The following APEX1 variants were observed in gnomAD, a reference collection of about 807,000 sequenced individuals.
The protein encoded by APEX1 is DNA repair nuclease/redox regulator APEX1.
Under a neutral mutation model 33.2 loss-of-function variants are expected in APEX1, and 32 were observed. The ratio of observed to expected loss-of-function variants is 0.96; its 90% confidence interval spans 0.73 to 1.29. The LOEUF is 1.29. APEX1 is among the 50% of genes most tolerant of loss of function. The pLI is 0.00. For missense variants in APEX1, 442 were observed against 395.6 expected (o/e 1.12, Z -0.99); for synonymous variants, 175 against 156.6 (o/e 1.12, Z -0.88).
Position 20,457,577 on chromosome 14 carries a change from C to G in APEX1, c.*69C>G. 1 of 1,558,942 alleles carries G rather than the reference C, an allele frequency of 6.4e-7. No homozygotes were observed. The highest frequency in any genetic ancestry group is 1.7e-5 in the Admixed American group (1 of 59,958). On this transcript the variant is annotated 3_prime_UTR_variant, in exon 5 of 5. Transcript: ENST00000216714. ...AACTACCATTCCTTCTTTAAACACT[C>G]TTCAGAGAAATCTGCATTCTATTTC...
At chr14:20,456,190 T>TAAACG in intron 3 of APEX1, 89 bp downstream of exon 3, 1 of 1,470,190 alleles carries the variant, frequency 6.8e-7, no homozygotes, top group Non-Finnish European at 9.4e-7. Context: ...GCCTTCAGGC[T>TAAACG]GTTTTATTTT....
In APEX1 at chr14:20,457,050, C is replaced by A; in HGVS notation, c.499C>A (p.Leu167Met). Residue 167 changes from leucine to methionine, a missense_variant, in exon 5 of 5, where the codon CTG (leucine) becomes ATG (methionine). Physicochemically the swap from Leu to Met is conservative, Grantham distance 15. Transcript: ENST00000216714. Reference sequence around the variant, plus strand: ...TGTGGCTGAATTTGACTCGTTTGTGCTGGTAACAGCATATGTACCTAATGC... The same window carrying A: ...TGTGGCTGAATTTGACTCGTTTGTGATGGTAACAGCATATGTACCTAATGC... ...VIVAEFDSFV[L>M]VTAYVPNAGR... The A allele has an allele frequency of 6.2e-7, 1 of 1,614,038 alleles. No individual in the cohort carries two copies. Among genetic ancestry groups the A allele is most frequent in the East Asian group, 2.2e-5 (1 of 44,898 alleles).
At chr14:20,456,538 C>A in intron 3 of APEX1, 130 bp from the exon 4 acceptor site, 2 of 848,326 alleles carry the variant, frequency 2.4e-6, no homozygotes, top group East Asian at 2.5e-5. Flanking sequence ...GAATATTGTG[C>A]TGCTTGACTC....
In APEX1 at chr14:20,457,147, T is replaced by C. The variant is rs1057297039; in HGVS notation, c.596T>C (p.Leu199Pro). The change falls in exon 5 of 5, where the codon CTG becomes CCG. Residue 199 changes from leucine (L) to proline (P), a missense_variant. Coordinates refer to ENST00000216714, the MANE Select transcript of APEX1 (RefSeq NM_001641.4). ...DEAFRKFLKG[L>P]ASRKPLVLCG... ...GCCTTTCGCAAGTTCCTGAAGGGCC[T>C]GGCTTCCCGAAAGCCCCTTGTGCTG... 1 of 1,614,078 alleles carries C rather than the reference T, an allele frequency of 6.2e-7. No homozygotes were observed. The highest frequency in any genetic ancestry group is 1.3e-5 in the African/African-American group (1 of 74,914).
chr14:20,455,650 C>G lies in APEX1; in HGVS notation c.5C>G (p.Pro2Arg), dbSNP rs752031447. Residue 2 changes from proline (P) to arginine (R), a missense_variant, in exon 2 of 5, where the codon CCG becomes CGG. By Grantham distance (103) the Pro-to-Arg change is moderately radical. Coordinates refer to ENST00000216714, the MANE Select transcript of APEX1 (RefSeq NM_001641.4). Reference protein sequence around the residue: MPKRGKKGAVAE... With the variant: MRKRGKKGAVAE... ...CCAAGGGCGTTCGTAACGGGAATGCCGAAGCGTGGGAAAAAGGGAGCGGTG... is the reference window on the plus strand; with the variant it reads ...CCAAGGGCGTTCGTAACGGGAATGCGGAAGCGTGGGAAAAAGGGAGCGGTG... 13 of 1,613,528 alleles carry G rather than the reference C, an allele frequency of 8.1e-6. No homozygotes were observed. Among genetic ancestry groups the G allele is most frequent in the Admixed American group, 1.7e-5 (1 of 59,996 alleles).
At chr14:20,455,505 T>C (rs559015533) in intron 1 of APEX1, 73 bp from the exon 2 acceptor site, 1 of 1,401,400 alleles carries the variant, frequency 7.1e-7, no homozygotes, top group African/African-American at 1.4e-5. Flanking sequence ...AGGCGGGACC[T>C]GGTGCGGGGA....
rs770451855 is a variant in APEX1, at chr14:20,457,064, T to G, written c.513T>G (p.Tyr171Ter). The change falls in exon 5 of 5, where the codon TAT becomes TAG. Residue 171 changes from tyrosine to a stop codon, truncating the protein, a stop_gained. Transcript: ENST00000216714. LOFTEE classifies it high-confidence loss of function. ...EFDSFVLVTAYVPNAGRGLVR... is the reference protein window; with the variant it reads ...EFDSFVLVTA ...ACTCGTTTGTGCTGGTAACAGCATA[T>G]GTACCTAATGCAGGCCGAGGTCTGG... is the stretch of plus-strand genomic sequence containing the variant. 3 of 1,614,094 alleles carry G rather than the reference T, an allele frequency of 1.9e-6. No homozygotes were observed. Among genetic ancestry groups the G allele is most frequent in the Non-Finnish European group, 2.5e-6 (3 of 1,180,048 alleles).
At position 20,456,584 on chromosome 14, in the gene APEX1, G is replaced by A. The variant is rs186231959; in HGVS notation, c.247-84G>A. On this transcript the variant is annotated intron_variant, in intron 3 of 4. Transcript: ENST00000216714. ...GGCCAAGAGACTGTTTAACCCGTGC[G>A]TATCTATGACTTAGCATATAGATTA... 205 of 1,316,876 alleles carry A rather than the reference G, an allele frequency of 1.6e-4. No homozygotes were observed. The African/African-American group carries it at 2.3e-3, about 15-fold the overall frequency. The allele number at this position is 1,316,876 out of a possible 1,614,324, so 81.6% of individuals were successfully genotyped here. A position where few individuals can be genotyped will look rare whatever the true frequency, so the allele number is the denominator to read the frequency against.
chr14:20,455,726 TC>T (rs1566512517), intron 2 of APEX1, 23 bp downstream of exon 2: 1 of 1,614,190 alleles, frequency 6.2e-7, no homozygotes, highest in Non-Finnish European at 8.5e-7. Flanking sequence ...AATCAGCCCT[TC>T]TTCCTAGAAG....
Position 20,455,408 on chromosome 14 carries a change from T to G in APEX1, c.-69+14T>G, listed in dbSNP as rs972329191. Reference sequence around the variant, plus strand: ...CTCGCGAGTAGGGTACAAGGCACTATGAAATGATCTAGTTTCGTGGGTGAG... The same window carrying G: ...CTCGCGAGTAGGGTACAAGGCACTAGGAAATGATCTAGTTTCGTGGGTGAG... On this transcript the variant is annotated intron_variant, in intron 1 of 4. Coordinates refer to ENST00000216714, the MANE Select transcript of APEX1 (RefSeq NM_001641.4). The G allele has an allele frequency of 4.8e-6, 3 of 627,366 alleles. No homozygotes were observed. The African/African-American group carries it at 5.5e-5, about 12-fold the overall frequency. 38.9% of individuals were successfully genotyped at this position (627,366 alleles called of 1,614,324 possible).
In APEX1 at chr14:20,456,859, A is replaced by G; in HGVS notation, c.438A>G (p.Ile146Met). ...RQCPLKVSYG[I>M]GDEEHDQEGR... ...GCCCACTCAAAGTTTCTTACGGCAT[A>G]GGTGAGACCCTATTGATGCCTAATG... Residue 146 changes from isoleucine to methionine, a missense_variant and splice_region_variant, in exon 4 of 5, where the codon ATA (isoleucine) becomes ATG (methionine). By Grantham distance (10) the Ile-to-Met change is conservative (BLOSUM62 1). Transcript: ENST00000216714. The G allele has an allele frequency of 6.2e-7, 1 of 1,613,758 alleles. No homozygotes were observed. The highest frequency in any genetic ancestry group is 8.5e-7 in the Non-Finnish European group (1 of 1,179,796).
intron 3 of APEX1, 56 bp from the exon 4 acceptor site, chr14:20,456,612 C>A: frequency 2.0e-6 from 3 of 1,530,082 alleles, no homozygotes; most frequent in South Asian, 2.2e-5. Context: ...ATAGATTATT[C>A]AATAAATGTT....
At chr14:20,456,306 C>T (rs889667222) in intron 3 of APEX1, among the ~76,000 whole-genome samples, 9 of 152,180 alleles carry the variant, frequency 5.9e-5, no homozygotes, top group East Asian at 1.9e-4. Flanking sequence ...AGTGTTCTCT[C>T]CTCTTCCCAG....
chr14:20,456,582 G>A, intron 3 of APEX1, 86 bp from the exon 4 acceptor site: 1 of 1,291,928 alleles, frequency 7.7e-7, no homozygotes, highest in African/African-American at 1.5e-5. Context: ...TTTAACCCGT[G>A]CGTATCTATG....
rs1179087518 is a variant in APEX1, at chr14:20,457,578, T to A, written c.*70T>A. ...ACTACCATTCCTTCTTTAAACACTCTTCAGAGAAATCTGCATTCTATTTCT... is the reference window on the plus strand; with the variant it reads ...ACTACCATTCCTTCTTTAAACACTCATCAGAGAAATCTGCATTCTATTTCT... On this transcript the variant is annotated 3_prime_UTR_variant, in exon 5 of 5. Coordinates refer to ENST00000216714, the MANE Select transcript of APEX1 (RefSeq NM_001641.4). The A allele has an allele frequency of 4.5e-6, 7 of 1,557,194 alleles. No homozygotes were observed. The African/African-American group carries it at 9.5e-5, about 21-fold the overall frequency.
At chr14:20,456,226 G>C (rs1395369417) in intron 3 of APEX1, 125 bp downstream of exon 3, 16 of 1,092,854 alleles carry the variant, frequency 1.5e-5, no homozygotes, top group African/African-American at 3.1e-5. Flanking sequence ...TTTCTGTGGG[G>C]CTTCCCCAGT....
chr14:20,457,576 T>G lies in APEX1; in HGVS notation c.*68T>G. 1 of 1,561,194 alleles carries G rather than the reference T, an allele frequency of 6.4e-7. No individual in the cohort carries two copies. The highest frequency in any genetic ancestry group is 8.8e-7 in the Non-Finnish European group (1 of 1,140,024). Reference sequence around the variant, plus strand: ...CAACTACCATTCCTTCTTTAAACACTCTTCAGAGAAATCTGCATTCTATTT... The same window carrying G: ...CAACTACCATTCCTTCTTTAAACACGCTTCAGAGAAATCTGCATTCTATTT... On this transcript the variant is annotated 3_prime_UTR_variant, in exon 5 of 5. Transcript: ENST00000216714.
Position 20,456,097 on chromosome 14 carries a change from T to C in APEX1, c.242T>C (p.Leu81Ser), listed in dbSNP as rs1299502018. ...GLRAWIKKKG[L>S]DWVKEEAPDI... ...CGAGCCTGGATTAAGAAGAAAGGAT[T>C]AGATGTGAGTGGAATTTGAGGGAAA... Residue 81 changes from leucine (L) to serine (S), a missense_variant, in exon 3 of 5, where the codon TTA becomes TCA. Transcript: ENST00000216714. 1.9e-6 allele frequency: 3 copies of C among 1,614,016 alleles called. No homozygotes were observed. The highest frequency in any genetic ancestry group is 2.5e-6 in the Non-Finnish European group (3 of 1,179,980).
intron 1 of APEX1, 51 bp downstream of exon 1, chr14:20,455,445 C>A: frequency 1.3e-6 from 1 of 790,962 alleles, no homozygotes; most frequent in Non-Finnish European, 2.1e-6. Flanking sequence ...GGCTGAAGGG[C>A]CTATGATGCA....
Sources: allele counts gnomAD v4.1 joint callset (sites outside exome capture counted in the v4.1 genomes callset), GRCh38; gene constraint gnomAD v4.1.1; transcripts MANE v1.5; gene names NCBI Gene and HGNC (gene_info 2026-07-23, HGNC 2026-07-21).